Variants in AAGAB observed in about 807,000 individuals in gnomAD.
The protein encoded by AAGAB is alpha and gamma adaptin binding protein, also known as alpha- and gamma-adaptin-binding protein p34.
Under a neutral mutation model 44.1 loss-of-function variants are expected in AAGAB, and 38 were observed. The observed-to-expected ratio is 0.86, with a 90% confidence interval of 0.67 to 1.13. The LOEUF is 1.13. AAGAB is among the 50% of genes most tolerant of loss of function. The pLI is 0.00. For synonymous variants in AAGAB, 131 were observed against 131.8 expected, an observed-to-expected ratio of 0.99 and a Z score of 0.04; for missense variants, 450 against 373.8, an observed-to-expected ratio of 1.20 and a Z score of -1.68.
At chr15:67,224,585 C>CTTTTTT (rs892410820) in intron 5 of AAGAB, among the ~76,000 whole-genome samples, 4 of 138,834 alleles carry the variant, frequency 2.9e-5, no homozygotes, top group South Asian at 2.3e-4. Flanking sequence ...TTTTTCTTTT[C>CTTTTTT]TTTTTTTTTT....
intron 7 of AAGAB, among the ~76,000 whole-genome samples, chr15:67,207,578 T>A (rs1963715093): frequency 6.6e-6 from 1 of 152,224 alleles, no homozygotes; most frequent in African/African-American, 2.4e-5. Context: ...TATATAAAAT[T>A]TCAGAATTGC....
intron 1 of AAGAB, among the ~76,000 whole-genome samples, chr15:67,247,105 G>A (rs555934518): frequency 2.0e-5 from 3 of 151,924 alleles, no homozygotes; most frequent in East Asian, 3.9e-4. Flanking sequence ...AAACAACTCC[G>A]GACACACCAC....
At chr15:67,253,478 G>A (rs1207399643) in intron 1 of AAGAB, among the ~76,000 whole-genome samples, 1 of 151,984 alleles carries the variant, frequency 6.6e-6, no homozygotes, top group Non-Finnish European at 1.5e-5. Context: ...GGGTAGCCAG[G>A]CACAGTGGCT....
chr15:67,244,780 G>C (rs984641746), intron 1 of AAGAB, among the ~76,000 whole-genome samples: 1 of 151,748 alleles, frequency 6.6e-6, no homozygotes, highest in African/African-American at 2.4e-5. Flanking sequence ...CTCCAGCCTG[G>C]GCAAGAGAGT....
chr15:67,203,643 T>G, intron 8 of AAGAB, 46 bp from the exon 9 acceptor site: 1 of 1,515,536 alleles, frequency 6.6e-7, no homozygotes, highest in Non-Finnish European at 9.1e-7. Context: ...TAGCACAGGA[T>G]AACCTGGAGT....
At chr15:67,250,849 A>ACCC (rs933284521) in intron 1 of AAGAB, among the ~76,000 whole-genome samples, 1 of 151,940 alleles carries the variant, frequency 6.6e-6, no homozygotes, top group Non-Finnish European at 1.5e-5. Context: ...ACACAGTGAA[A>ACCC]CCCCGTCTCT....
chr15:67,205,594 G>A (rs1236259195), intron 7 of AAGAB, among the ~76,000 whole-genome samples: 1 of 152,156 alleles, frequency 6.6e-6, no homozygotes, highest in East Asian at 1.9e-4. Flanking sequence ...TGTTGGGTGA[G>A]GCATGGGAAG....
intron 5 of AAGAB, among the ~76,000 whole-genome samples, chr15:67,227,285 T>C (rs956441331): frequency 6.6e-5 from 10 of 152,250 alleles, no homozygotes; most frequent in South Asian, 4.2e-4. Context: ...ACAACAAAAA[T>C]TGGTCATTAT....
intron 7 of AAGAB, among the ~76,000 whole-genome samples, chr15:67,207,211 CACA>C (rs894057292): frequency 2.6e-5 from 4 of 152,110 alleles, no homozygotes; most frequent in African/African-American, 7.2e-5. Context: ...AAAACAAAAA[CACA>C]ACAACACACA....
chr15:67,252,121 C>G (rs1010758986), intron 1 of AAGAB, among the ~76,000 whole-genome samples: 2 of 152,154 alleles, frequency 1.3e-5, no homozygotes, highest in African/African-American at 4.8e-5. Flanking sequence ...ATTTTACCCC[C>G]AATAATGCTA....
intron 5 of AAGAB, among the ~76,000 whole-genome samples, chr15:67,217,145 T>A (rs1488752223): frequency 1.3e-5 from 2 of 152,206 alleles, no homozygotes; most frequent in Non-Finnish European, 2.9e-5. Flanking sequence ...TGTCAGAGTA[T>A]CCATTTTTTT....
In AAGAB at chr15:67,201,813, C is replaced by T. The variant is rs1017103903; in HGVS notation, c.*1008G>A. ...AACAAAAGATAGTCCTCCGAGGTTA[C>T]AGGCTTGGAAGGGCAGAGAGGAGCT... On this transcript the variant is annotated 3_prime_UTR_variant, in exon 10 of 10. Transcript: ENST00000261880. 2 of 152,346 alleles carry T rather than the reference C, an allele frequency of 1.3e-5. No individual in the cohort carries two copies. The highest frequency in any genetic ancestry group is 2.9e-5 in the Non-Finnish European group (2 of 68,048). 9.4% of individuals were successfully genotyped at this position (152,346 alleles called of 1,614,324 possible).
intron 5 of AAGAB, among the ~76,000 whole-genome samples, chr15:67,223,415 C>G (rs1416375518): frequency 6.6e-6 from 1 of 152,234 alleles, no homozygotes; most frequent in Non-Finnish European, 1.5e-5. Context: ...GGCAACTAAT[C>G]TTTCAAGTGT....
intron 1 of AAGAB, among the ~76,000 whole-genome samples, chr15:67,253,266 G>C (rs1448490574): frequency 4.8e-5 from 7 of 146,376 alleles, no homozygotes; most frequent in Non-Finnish European, 4.5e-5. Flanking sequence ...ATGACGGGGG[G>C]GGGGGGGGGC....
At chr15:67,226,809 T>C (rs1964215342) in intron 5 of AAGAB, 1 of 159,060 alleles carries the variant, frequency 6.3e-6, no homozygotes, top group African/African-American at 2.4e-5. Flanking sequence ...TAATCACATA[T>C]TAAATCATGA....
chr15:67,237,598 G>A (rs1964501344), intron 1 of AAGAB, among the ~76,000 whole-genome samples: 1 of 152,154 alleles, frequency 6.6e-6, no homozygotes, highest in African/African-American at 2.4e-5. Context: ...ATGGAGCCAT[G>A]GAAGCATTTT....
rs547275213 is a variant in AAGAB, at chr15:67,253,438, T to TA, written c.73+1120dup. 4.2e-4 allele frequency among the ~76,000 whole-genome samples: 62 copies of TA among 147,278 alleles called. 1 individual carries two copies. In the Middle Eastern group the frequency reaches 0.011, roughly 26 times the overall value. ...GTGAGACCCTATCTCAAAACAAAAA[T>TA]AAAAAAAAGGAGAGAAAAGAGAAAG... On this transcript the variant is annotated intron_variant, in intron 1 of 9. Coordinates refer to ENST00000261880, the MANE Select transcript of AAGAB (RefSeq NM_024666.5).
intron 5 of AAGAB, among the ~76,000 whole-genome samples, chr15:67,226,063 G>GT (rs1282494227): frequency 6.6e-6 from 1 of 151,984 alleles, no homozygotes; most frequent in Non-Finnish European, 1.5e-5. Flanking sequence ...AGCCATCCTA[G>GT]TAAGTGTGAA....
At chr15:67,227,737 A>T (rs143614319) in intron 5 of AAGAB, among the ~76,000 whole-genome samples, 2 of 152,298 alleles carry the variant, frequency 1.3e-5, no homozygotes, top group African/African-American at 4.8e-5. Context: ...ATGACCCACC[A>T]TATATCCATA....
Sources: allele counts gnomAD v4.1 joint callset (sites outside exome capture counted in the v4.1 genomes callset), GRCh38; gene constraint gnomAD v4.1.1; transcripts MANE v1.5; gene names NCBI Gene and HGNC (gene_info 2026-07-23, HGNC 2026-07-21).